The following MMP16 variants were observed in gnomAD, a reference collection of about 807,000 sequenced individuals.
MMP16 encodes matrix metalloproteinase-16.
In MMP16, 12 loss-of-function variants were observed where a neutral mutation model predicts 67.8. The ratio of observed to expected loss-of-function variants is 0.18; its 90% CI spans 0.11 to 0.29. The LOEUF is 0.29. Among genes scored for constraint, MMP16 ranks in the 10% least tolerant of loss-of-function variants. MMP16 has a pLI of 1.00. For synonymous variants in MMP16, 249 were observed against 255.9 expected, an observed-to-expected ratio of 0.97 and a Z score of 0.26; for missense variants, 475 against 765.7, an observed-to-expected ratio of 0.62 and a Z score of 4.48.
intron 5 of MMP16, 140 bp from the exon 6 acceptor site, chr8:88,116,858 A>C: frequency 1.4e-6 from 1 of 732,266 alleles, no homozygotes; most frequent in Non-Finnish European, 2.2e-6. Flanking sequence ...ATATTTTCTG[A>C]AAAAAACAAA....
rs1420707967 is a variant in MMP16 at position 88,033,765 on chromosome 8, A to G, written c.*7696T>C. On this transcript the variant is annotated 3_prime_UTR_variant, in exon 10 of 10. Coordinates refer to ENST00000286614, the MANE Select transcript of MMP16 (RefSeq NM_005941.5). Reference sequence around the variant, plus strand: ...AGAGGTCTGCAATAGAAATGCTGATACAGTCAAAACCAAGGCAGCAAAAAG... The same window carrying G: ...AGAGGTCTGCAATAGAAATGCTGATGCAGTCAAAACCAAGGCAGCAAAAAG... 1 of 152,058 alleles carries G rather than the reference A, an allele frequency of 6.6e-6. No individual in the cohort carries two copies. Among genetic ancestry groups the G allele is most frequent in the Admixed American group, 6.6e-5 (1 of 15,220 alleles). The allele number at this position is 152,058 out of a possible 1,614,324, so 9.4% of individuals were successfully genotyped here.
At chr8:88,244,678 T>C (rs555960839) in intron 1 of MMP16, among the ~76,000 whole-genome samples, 1 of 152,206 alleles carries the variant, frequency 6.6e-6, no homozygotes, top group South Asian at 2.1e-4. Context: ...ATTCACACAG[T>C]TGGTAAAAGG....
Position 88,035,388 on chromosome 8 carries a change from A to G in MMP16, c.*6073T>C, listed in dbSNP as rs535753606. ...GAGGACACGCTGAGTGCACATTTGAATATCATCCCCAGTCCAATGATGCAT... is the reference window on the plus strand; with the variant it reads ...GAGGACACGCTGAGTGCACATTTGAGTATCATCCCCAGTCCAATGATGCAT... On this transcript the variant is annotated 3_prime_UTR_variant, in exon 10 of 10. Transcript: ENST00000286614. The surrounding 1 kb of genome is among the most constrained non-coding windows in gnomAD (Gnocchi z 4.7). 15 of 152,186 alleles carry G rather than the reference A, an allele frequency of 9.9e-5. No homozygotes were observed. Among genetic ancestry groups the G allele is most frequent in the African/African-American group, 3.6e-4 (15 of 41,564 alleles). The allele number at this position is 152,186 out of a possible 1,614,324, so 9.4% of individuals were successfully genotyped here.
intron 4 of MMP16, among the ~76,000 whole-genome samples, chr8:88,158,485 T>A (rs190690797): frequency 1.3e-5 from 2 of 152,344 alleles, no homozygotes; most frequent in African/African-American, 4.8e-5. Flanking sequence ...AAGTGTCGAT[T>A]CATATCCTTT....
chr8:88,036,889 A>T lies in MMP16; in HGVS notation c.*4572T>A, dbSNP rs1031612339. ...CATCCAGAAGATTGTTTCAGTATAT[A>T]CTACAATCTCACAGACTCAATACTA... is the stretch of plus-strand genomic sequence containing the variant. On this transcript the variant is annotated 3_prime_UTR_variant, in exon 10 of 10. Transcript: ENST00000286614. 1 of 151,728 alleles carries T rather than the reference A, an allele frequency of 6.6e-6. No individual in the cohort carries two copies. The highest frequency in any genetic ancestry group is 1.5e-5 in the Non-Finnish European group (1 of 67,772). The allele number at this position is 151,728 out of a possible 1,614,324, so 9.4% of individuals were successfully genotyped here. A position where few individuals can be genotyped will look rare whatever the true frequency, so the allele number is the denominator to read the frequency against.
chr8:88,212,585 C>T (rs1586207690), intron 1 of MMP16, among the ~76,000 whole-genome samples: 1 of 151,936 alleles, frequency 6.6e-6, no homozygotes, highest in Non-Finnish European at 1.5e-5. Flanking sequence ...ACAAAGAAAG[C>T]AAAACAAACA....
intron 1 of MMP16, among the ~76,000 whole-genome samples, chr8:88,266,535 T>A (rs1810479312): frequency 6.6e-6 from 1 of 152,226 alleles, no homozygotes; most frequent in African/African-American, 2.4e-5. Context: ...CTCTGGCACC[T>A]CATCCAGGAA....
intron 1 of MMP16, among the ~76,000 whole-genome samples, chr8:88,290,335 G>A (rs920366178): frequency 6.6e-6 from 1 of 151,986 alleles, no homozygotes; most frequent in South Asian, 2.1e-4. Context: ...GGTGGATCAC[G>A]AGATCAGGAG....
At chr8:88,227,821 T>C (rs1809794362) in intron 1 of MMP16, among the ~76,000 whole-genome samples, 1 of 152,050 alleles carries the variant, frequency 6.6e-6, no homozygotes, top group Non-Finnish European at 1.5e-5. Flanking sequence ...AGTACAACAA[T>C]TACTCTGTTT....
Position 88,327,430 on chromosome 8 carries a change from T to C in MMP16, c.-224A>G. 2 of 515,134 alleles carry C rather than the reference T, an allele frequency of 3.9e-6. No homozygotes were observed. Among genetic ancestry groups the C allele is most frequent in the South Asian group, 3.9e-5 (2 of 51,216 alleles). The allele number at this position is 515,134 out of a possible 1,614,324, so 31.9% of individuals were successfully genotyped here. On this transcript the variant is annotated 5_prime_UTR_variant, in exon 1 of 10. Transcript: ENST00000286614. ...CAGCAGTAGTTCCTGTTCACCATCC[T>C]CCGGGGTCAGTCACCGGGAACGTGG...
chr8:88,250,226 C>A (rs1352645318), intron 1 of MMP16, among the ~76,000 whole-genome samples: 3 of 151,976 alleles, frequency 2.0e-5, no homozygotes, highest in Non-Finnish European at 4.4e-5. Context: ...ATCCAGCCAC[C>A]AGAAATCATA....
intron 7 of MMP16, among the ~76,000 whole-genome samples, chr8:88,073,562 T>C (rs1808597314): frequency 6.6e-6 from 1 of 152,154 alleles, no homozygotes; most frequent in Non-Finnish European, 1.5e-5. Flanking sequence ...GCTAATGGAC[T>C]AAACTGTCTC....
intron 4 of MMP16, among the ~76,000 whole-genome samples, chr8:88,141,220 T>G (rs1178217775): frequency 1.3e-5 from 2 of 152,198 alleles, no homozygotes; most frequent in Non-Finnish European, 2.9e-5. Context: ...TTTAAAGATG[T>G]CTTACAAATT....
chr8:88,238,643 G>A (rs2129893985), intron 1 of MMP16, among the ~76,000 whole-genome samples: 1 of 140,680 alleles, frequency 7.1e-6, no homozygotes, highest in African/African-American at 2.7e-5. Context: ...TCCAGCCTGG[G>A]CAACTGTGCA....
intron 6 of MMP16, among the ~76,000 whole-genome samples, chr8:88,078,794 A>G (rs1173917140): frequency 1.3e-5 from 2 of 152,218 alleles, no homozygotes; most frequent in Non-Finnish European, 2.9e-5. Context: ...CTTTCCATAA[A>G]TCTACAAATG....
chr8:88,054,055 T>C (rs1433614434), intron 8 of MMP16, among the ~76,000 whole-genome samples: 2 of 152,210 alleles, frequency 1.3e-5, no homozygotes, highest in African/African-American at 2.4e-5. Context: ...TAGTTCACGT[T>C]TAATCCTGAA....
intron 6 of MMP16, among the ~76,000 whole-genome samples, chr8:88,110,775 A>G (rs922612887): frequency 4.0e-5 from 6 of 151,698 alleles, no homozygotes; most frequent in African/African-American, 1.4e-4. Context: ...GCCATATACT[A>G]TAATTTTTAT....
chr8:88,096,209 A>G (rs1809023381), intron 6 of MMP16, among the ~76,000 whole-genome samples: 1 of 151,934 alleles, frequency 6.6e-6, no homozygotes, highest in Admixed American at 6.6e-5. Context: ...TAATATTTAT[A>G]AGTTTCATTG....
chr8:88,067,786 T>A (rs1335926848), intron 7 of MMP16, among the ~76,000 whole-genome samples: 1 of 152,168 alleles, frequency 6.6e-6, no homozygotes, highest in African/African-American at 2.4e-5. Context: ...TCTTCCATTT[T>A]ATGGATATAT....
Sources: allele counts gnomAD v4.1 joint callset (sites outside exome capture counted in the v4.1 genomes callset), GRCh38; gene constraint gnomAD v4.1.1; non-coding constraint Gnocchi (gnomAD v3.1); transcripts MANE v1.5; gene names NCBI Gene and HGNC (gene_info 2026-07-23, HGNC 2026-07-21).